LNPEP: variants seen among roughly 807,000 people sequenced by gnomAD.
LNPEP encodes the protein leucyl and cystinyl aminopeptidase, also known as leucyl-cystinyl aminopeptidase.
In LNPEP, 64 loss-of-function variants were observed where a neutral mutation model predicts 120.6. That is an observed-to-expected ratio of 0.53 (90% CI 0.43 to 0.65). The LOEUF (loss-of-function observed/expected upper bound fraction) is 0.65, where lower values mean the gene tolerates loss of function less well. LNPEP is among the 30% of genes least tolerant of loss of function. The pLI is 0.00. For missense variants in LNPEP, 1,057 were observed against 1,200.0 expected (o/e 0.88, Z 1.76); for synonymous variants, 435 against 425.4 (o/e 1.02, Z -0.28).
At chr5:96,965,346 G>T (rs1789702263) in intron 1 of LNPEP, among the ~76,000 whole-genome samples, 1 of 151,596 alleles carries the variant, frequency 6.6e-6, no homozygotes, top group Admixed American at 6.6e-5. Flanking sequence ...AGTAGATTGA[G>T]AATGCAGGCA....
rs1157585204 is a variant in LNPEP at position 96,979,927 on chromosome 5, CTTA to C, written c.814_816del (p.Tyr272del). 3.1e-6 allele frequency: 5 copies of C among 1,611,764 alleles called. No individual in the cohort carries two copies. The highest frequency in any genetic ancestry group is 1.7e-5 in the Admixed American group (1 of 59,816). ...GAGTACTCGGCAAATATATCTAGTT[CTTA>C]TTATGGGTTTTATGGCTTCTCCTAC... is the stretch of plus-strand genomic sequence containing the variant. On this transcript the variant is annotated inframe_deletion, in exon 2 of 18. Coordinates refer to ENST00000231368, the MANE Select transcript of LNPEP (RefSeq NM_005575.3).
chr5:96,982,708 T>C (rs1044096731), intron 2 of LNPEP, among the ~76,000 whole-genome samples: 4 of 152,208 alleles, frequency 2.6e-5, no homozygotes, highest in Non-Finnish European at 4.4e-5. Context: ...AATTGTTTCA[T>C]GTATGTTGAT....
At position 96,961,589 on chromosome 5, in the gene LNPEP, G is replaced by A. The variant is rs1049824035; in HGVS notation, c.20-17549G>A. Among the ~76,000 whole-genome samples, 3 of 152,116 alleles carry A rather than the reference G, an allele frequency of 2.0e-5. No homozygotes were observed. The East Asian group carries it at 5.8e-4, about 29-fold the overall frequency. On this transcript the variant is annotated intron_variant, in intron 1 of 17. Coordinates refer to ENST00000231368, the MANE Select transcript of LNPEP (RefSeq NM_005575.3). ...GCAAAACAAAGTGTCAGCAGCATGG[G>A]CACTGTGCTGTACGTTCATCCCTCA...
rs530221057 is a variant in LNPEP at position 96,998,673 on chromosome 5, C to T, written c.1653+528C>T. On this transcript the variant is annotated intron_variant, in intron 8 of 17. Coordinates refer to ENST00000231368, the MANE Select transcript of LNPEP (RefSeq NM_005575.3). Reference sequence around the variant, plus strand: ...AGAATAGTGATAACGGTGTCATTCACATTTATGTTGTGGGGAGGGATGAAT... The same window carrying T: ...AGAATAGTGATAACGGTGTCATTCATATTTATGTTGTGGGGAGGGATGAAT... Among the ~76,000 whole-genome samples the T allele has an allele frequency of 1.7e-3, 260 of 152,236 alleles. 2 individuals carry two copies. The highest frequency in any genetic ancestry group is 0.017 in the South Asian group (82 of 4,818).
At chr5:96,942,652 CA>C (rs71617155) in intron 1 of LNPEP, among the ~76,000 whole-genome samples, 54,885 of 94,492 alleles carry the variant, frequency 0.58, 14,312 homozygotes, top group Middle Eastern at 0.7. Context: ...GACTCCATCT[CA>C]AAAAAAAAAA....
At chr5:97,023,204 G>T (rs530270010) in intron 14 of LNPEP, among the ~76,000 whole-genome samples, 46 of 151,980 alleles carry the variant, frequency 3.0e-4, no homozygotes, top group African/African-American at 1.1e-3. Flanking sequence ...TTACCATAAC[G>T]TCTTCAAGGT....
intron 7 of LNPEP, among the ~76,000 whole-genome samples, chr5:96,997,056 A>G (rs1360485948): frequency 6.6e-6 from 1 of 152,096 alleles, no homozygotes. Context: ...GTTTCAGTAC[A>G]GAGAAGTATA....
chr5:96,969,246 A>G (rs1789802705), intron 1 of LNPEP, among the ~76,000 whole-genome samples: 2 of 150,772 alleles, frequency 1.3e-5, no homozygotes, highest in Non-Finnish European at 1.5e-5. Flanking sequence ...TTGCTTAAGA[A>G]TGCTTGCTTT....
Position 96,943,175 on chromosome 5 carries a change from A to G in LNPEP, c.19+7001A>G. The G allele has an allele frequency of 6.1e-6, 3 of 493,330 alleles. No individual in the cohort carries two copies. The South Asian group carries it at 1.7e-4, about 28-fold the overall frequency. The allele number at this position is 493,330 out of a possible 1,614,324, so 30.6% of individuals were successfully genotyped here. ...GCCAGGAGTTGAGGTTGAAGTCACCATTGCAGATGCTTAAGTCAACTATTT... is the reference window on the plus strand; with the variant it reads ...GCCAGGAGTTGAGGTTGAAGTCACCGTTGCAGATGCTTAAGTCAACTATTT... On this transcript the variant is annotated intron_variant, in intron 1 of 17. Transcript: ENST00000231368.
chr5:97,001,030 A>C (rs1790638930), intron 8 of LNPEP, among the ~76,000 whole-genome samples: 2 of 152,238 alleles, frequency 1.3e-5, no homozygotes, highest in South Asian at 4.1e-4. Flanking sequence ...GGGTCTGCTA[A>C]GCCATAGTAA....
intron 3 of LNPEP, among the ~76,000 whole-genome samples, chr5:96,985,946 T>C (rs1790233132): frequency 6.6e-6 from 1 of 152,158 alleles, no homozygotes; most frequent in Admixed American, 6.5e-5. Flanking sequence ...CACTCAGCCA[T>C]ACTCTTCACC....
chr5:97,003,436 T>C lies in LNPEP; in HGVS notation c.1675T>C (p.Leu559=), dbSNP rs201942113. 6.3e-7 allele frequency: 1 copy of C among 1,579,790 alleles called. No individual in the cohort carries two copies. The highest frequency in any genetic ancestry group is 8.6e-7 in the Non-Finnish European group (1 of 1,157,372). The part of the protein sequence containing the change: ...YFKGSSLLLM[L]KTYLSEDVFQ... The stretch of plus-strand genomic sequence containing the variant: ...ATAGGGATCTTCTCTCTTGTTGATG[T>C]TGAAAACTTACCTTAGTGAAGATGT... The change falls in exon 9 of 18, where the codon TTG becomes CTG. Residue 559 remains leucine, a synonymous_variant. Transcript: ENST00000231368.
At position 97,017,510 on chromosome 5, in the gene LNPEP, A is replaced by G. The variant is rs114398582; in HGVS notation, c.2376+2415A>G. Among the ~76,000 whole-genome samples, 782 of 152,082 alleles carry G rather than the reference A, an allele frequency of 5.1e-3. 6 individuals carry two copies. Among genetic ancestry groups the G allele is most frequent in the Non-Finnish European group, 9.3e-3 (630 of 67,968 alleles). On this transcript the variant is annotated intron_variant, in intron 13 of 17. Coordinates refer to ENST00000231368, the MANE Select transcript of LNPEP (RefSeq NM_005575.3). ...GCTTATGAAATCTTTTCCTACCCCT[A>G]GATATTCTCTGTTCTCTTCTGAAAA...
At chr5:96,994,093 G>A in intron 6 of LNPEP, 122 bp downstream of exon 6, 2 of 770,564 alleles carry the variant, frequency 2.6e-6, no homozygotes, top group Non-Finnish European at 4.1e-6. Flanking sequence ...TTTTATAATA[G>A]AAAGATGCTT....
intron 4 of LNPEP, among the ~76,000 whole-genome samples, chr5:96,989,912 G>T (rs574469634): frequency 5.8e-4 from 89 of 152,294 alleles, no homozygotes; most frequent in African/African-American, 1.9e-3. Flanking sequence ...TTTGGTCAAA[G>T]TTCAGTTTCA....
intron 3 of LNPEP, 137 bp from the exon 4 acceptor site, chr5:96,986,401 AG>A: frequency 1.3e-6 from 1 of 795,894 alleles, no homozygotes; most frequent in Non-Finnish European, 2.0e-6. Flanking sequence ...TGCTCTTTGC[AG>A]AAATTCATAC....
chr5:97,031,651 G>T lies in LNPEP; in HGVS notation c.*3118G>T, dbSNP rs991277455. 1 of 152,254 alleles carries T rather than the reference G, an allele frequency of 6.6e-6. No individual in the cohort carries two copies. The highest frequency in any genetic ancestry group is 1.5e-5 in the Non-Finnish European group (1 of 68,064). The allele number at this position is 152,254 out of a possible 1,614,324, so 9.4% of individuals were successfully genotyped here. On this transcript the variant is annotated 3_prime_UTR_variant, in exon 18 of 18. Coordinates refer to ENST00000231368, the MANE Select transcript of LNPEP (RefSeq NM_005575.3). ...TATGCCTGTAATCCCAGCATTTTGG[G>T]ATGCCAAGGTGGGCAGACCATTTGA...
At chr5:96,958,652 C>T in intron 1 of LNPEP, 1 of 240,552 alleles carries the variant, frequency 4.2e-6, no homozygotes, top group Non-Finnish European at 6.7e-6. Flanking sequence ...AAGGAGTTGG[C>T]AGGGCTGTGT....
Position 96,991,637 on chromosome 5 carries a change from G to A in LNPEP, c.1132-1378G>A, listed in dbSNP as rs533266119. On this transcript the variant is annotated intron_variant, in intron 4 of 17. Transcript: ENST00000231368. Reference sequence around the variant, plus strand: ...GGAGAATTGTCTTTTCATGTCCTTAGCCTATTTTTTGATGGGATTGTTTTA... The same window carrying A: ...GGAGAATTGTCTTTTCATGTCCTTAACCTATTTTTTGATGGGATTGTTTTA... Among the ~76,000 whole-genome samples, 28 of 152,166 alleles carry A rather than the reference G, an allele frequency of 1.8e-4. 1 individual carries two copies. In the East Asian group the frequency reaches 5.0e-3, roughly 27 times the overall value.
Sources: gnomAD v4.1 joint callset for allele counts (sites outside exome capture counted in the v4.1 genomes callset) on GRCh38, gnomAD v4.1.1 for gene constraint, MANE v1.5 for transcripts, NCBI Gene and HGNC (gene_info 2026-07-23, HGNC 2026-07-21) for gene names.